The following KPNA5 variants were observed in gnomAD, a reference collection of about 807,000 sequenced individuals.
KPNA5 encodes importin subunit alpha-6.
Under a neutral mutation model 71.3 loss-of-function variants are expected in KPNA5, and 46 were observed. That is an observed-to-expected ratio of 0.65 (90% CI 0.51 to 0.83). KPNA5 has a LOEUF of 0.83. Among genes scored for constraint, KPNA5 ranks in the 40% least tolerant of loss-of-function variants. The pLI is 0.00. For missense variants in KPNA5, 547 were observed against 628.3 expected (o/e 0.87, Z 1.38); for synonymous variants, 207 against 201.4 (o/e 1.03, Z -0.24).
intron 13 of KPNA5, among the ~76,000 whole-genome samples, chr6:116,731,237 T>C (rs954312666): frequency 1.3e-5 from 2 of 152,308 alleles, no homozygotes; most frequent in East Asian, 3.9e-4. Flanking sequence ...GATTCAGACT[T>C]TTATTTTTGA....
intron 9 of KPNA5, among the ~76,000 whole-genome samples, chr6:116,723,320 AGGTAT>A (rs1779184206): frequency 6.6e-6 from 1 of 152,204 alleles, no homozygotes; most frequent in African/African-American, 2.4e-5. Flanking sequence ...ACATGTGTGT[AGGTAT>A]GTGTGTGTGC....
chr6:116,718,267 T>C (rs1409887796), intron 8 of KPNA5, among the ~76,000 whole-genome samples: 2 of 137,332 alleles, frequency 1.5e-5, no homozygotes, highest in African/African-American at 2.9e-5. Flanking sequence ...TTTTTTTTTC[T>C]TTTTTTTTTT....
chr6:116,716,285 T>A lies in KPNA5; in HGVS notation c.723T>A (p.Cys241Ter). Residue 241 changes from cysteine to a stop codon, truncating the protein, a stop_gained, in exon 8 of 14, where the codon TGT becomes TGA. Coordinates refer to ENST00000368564, the MANE Select transcript of KPNA5 (RefSeq NM_001366306.2). LOFTEE classifies it high-confidence loss of function. ...RNAVWALSNLCRGKNPPPNFS... is the reference protein window; with the variant it reads ...RNAVWALSNL ...CCGTGTGGGCCCTCTCAAATTTATG[T>A]AGAGGCAAAAACCCTCCTCCAAACT... 2.5e-6 allele frequency: 4 copies of A among 1,613,188 alleles called. No homozygotes were observed. Among genetic ancestry groups the A allele is most frequent in the Non-Finnish European group, 3.4e-6 (4 of 1,179,522 alleles).
At chr6:116,694,671 G>A (rs899046270) in intron 4 of KPNA5, among the ~76,000 whole-genome samples, 18 of 151,940 alleles carry the variant, frequency 1.2e-4, no homozygotes, top group Non-Finnish European at 2.2e-4. Flanking sequence ...TATACAATCA[G>A]ACATGATTTT....
In KPNA5 at chr6:116,737,950, A is replaced by G. The variant is rs1218756322; in HGVS notation, c.*5627A>G. 2.0e-5 allele frequency: 3 copies of G among 151,916 alleles called. No individual in the cohort carries two copies. Among genetic ancestry groups the G allele is most frequent in the Admixed American group, 6.6e-5 (1 of 15,188 alleles). The allele number at this position is 151,916 out of a possible 1,614,324, so 9.4% of individuals were successfully genotyped here. On this transcript the variant is annotated 3_prime_UTR_variant, in exon 14 of 14. Transcript: ENST00000368564. ...TCTTAAGTCTTTCCCTAATTTCCCTAAACATTTAAGGTTGTTAAATGTTTA... is the reference window on the plus strand; with the variant it reads ...TCTTAAGTCTTTCCCTAATTTCCCTGAACATTTAAGGTTGTTAAATGTTTA...
chr6:116,708,035 T>G (rs1425320314), intron 7 of KPNA5, among the ~76,000 whole-genome samples: 2 of 152,238 alleles, frequency 1.3e-5, no homozygotes, highest in Non-Finnish European at 2.9e-5. Context: ...CTGGCTTCTT[T>G]TAGCTTACTG....
intron 1 of KPNA5, among the ~76,000 whole-genome samples, chr6:116,685,769 G>A (rs752352718): frequency 6.6e-6 from 1 of 152,078 alleles, no homozygotes; most frequent in Non-Finnish European, 1.5e-5. Flanking sequence ...TGTTTTTATG[G>A]TAGAATGATT....
intron 8 of KPNA5, among the ~76,000 whole-genome samples, chr6:116,717,031 T>G (rs937612287): frequency 6.6e-6 from 1 of 152,142 alleles, no homozygotes; most frequent in African/African-American, 2.4e-5. Flanking sequence ...AGTTGAGATT[T>G]AATAAAAGTA....
chr6:116,684,817 G>GAGTC (rs1350748364), intron 1 of KPNA5, among the ~76,000 whole-genome samples: 2 of 152,096 alleles, frequency 1.3e-5, no homozygotes, highest in South Asian at 2.1e-4. Flanking sequence ...TTTAAAACCA[G>GAGTC]AGTCACTATA....
Position 116,732,452 on chromosome 6 carries a change from A to G in KPNA5, c.*129A>G, listed in dbSNP as rs1301727821. On this transcript the variant is annotated 3_prime_UTR_variant, in exon 14 of 14. Transcript: ENST00000368564. ...AGAATTTGATGCACTTTTAGAAAGC[A>G]AAATGAAACAAAAATTTCCATTCAG... is the stretch of plus-strand genomic sequence containing the variant. 2.4e-6 allele frequency: 1 copy of G among 412,044 alleles called. No homozygotes were observed. The highest frequency in any genetic ancestry group is 4.2e-6 in the Non-Finnish European group (1 of 240,280). The allele number at this position is 412,044 out of a possible 1,614,324, so 25.5% of individuals were successfully genotyped here.
chr6:116,691,408 C>T (rs1777795983), intron 2 of KPNA5, among the ~76,000 whole-genome samples: 1 of 152,104 alleles, frequency 6.6e-6, no homozygotes. Flanking sequence ...CACGTGCTGC[C>T]ATGCTTGGCT....
rs571875180 is a variant in KPNA5, at chr6:116,711,270, T to G, written c.657-4949T>G. Among the ~76,000 whole-genome samples, 766 of 143,278 alleles carry G rather than the reference T, an allele frequency of 5.3e-3. 17 individuals carry two copies. In the South Asian group the frequency reaches 0.058, roughly 11 times the overall value. 94.0% of individuals were successfully genotyped at this position (143,278 alleles called of 152,430 possible). ...GTTTTTGTTGATTTTTTTTTTTTTT[T>G]GGGTCAAAGAACTGCCTTTTTGTTT... is the stretch of plus-strand genomic sequence containing the variant. On this transcript the variant is annotated intron_variant, in intron 7 of 13. Transcript: ENST00000368564.
In KPNA5 at chr6:116,724,189, A is replaced by G. The variant is rs1583443231; in HGVS notation, c.921-108A>G. 3.5e-5 allele frequency: 22 copies of G among 634,678 alleles called. No individual in the cohort carries two copies. In the South Asian group the frequency reaches 4.2e-4, roughly 12 times the overall value. The allele number at this position is 634,678 out of a possible 1,614,324, so 39.3% of individuals were successfully genotyped here. A position where few individuals can be genotyped will look rare whatever the true frequency, so the allele number is the denominator to read the frequency against. ...TATCAGAATAATTAGTAAAACTTCA[A>G]TGGGATCTTTGGCTGAACACCCCGC... On this transcript the variant is annotated intron_variant, in intron 9 of 13. Coordinates refer to ENST00000368564, the MANE Select transcript of KPNA5 (RefSeq NM_001366306.2).
chr6:116,689,221 T>A, intron 1 of KPNA5, 99 bp from the exon 2 acceptor site: 1 of 1,279,126 alleles, frequency 7.8e-7, no homozygotes, highest in South Asian at 1.4e-5. Flanking sequence ...TGTTGACCTG[T>A]TAATCAGTGA....
At chr6:116,695,902 T>A (rs1179011438) in intron 4 of KPNA5, among the ~76,000 whole-genome samples, 1 of 152,156 alleles carries the variant, frequency 6.6e-6, no homozygotes. Flanking sequence ...GCCACCAGTG[T>A]TTTTGTACCA....
At chr6:116,703,928 T>G (rs960379264) in intron 6 of KPNA5, among the ~76,000 whole-genome samples, 46 of 152,228 alleles carry the variant, frequency 3.0e-4, no homozygotes, top group Non-Finnish European at 1.3e-4. Flanking sequence ...ATTTTCATCA[T>G]TGTGCAAATT....
intron 12 of KPNA5, among the ~76,000 whole-genome samples, chr6:116,729,158 C>T (rs1168920039): frequency 3.6e-5 from 4 of 112,160 alleles, no homozygotes; most frequent in South Asian, 3.5e-4. Flanking sequence ...ATATGACCTC[C>T]GTGTGTGTGT....
At chr6:116,691,307 T>C (rs1222723790) in intron 2 of KPNA5, among the ~76,000 whole-genome samples, 1 of 152,234 alleles carries the variant, frequency 6.6e-6, no homozygotes, top group African/African-American at 2.4e-5. Flanking sequence ...TTTTAAGAGA[T>C]GGGGTCTTGC....
chr6:116,706,676 C>T lies in KPNA5; in HGVS notation c.656+1516C>T, dbSNP rs538384843. Among the ~76,000 whole-genome samples, 194 of 151,124 alleles carry T rather than the reference C, an allele frequency of 1.3e-3. 1 individual carries two copies. The highest frequency in any genetic ancestry group is 5.8e-3 in the Admixed American group (88 of 15,174). On this transcript the variant is annotated intron_variant, in intron 7 of 13. Coordinates refer to ENST00000368564, the MANE Select transcript of KPNA5 (RefSeq NM_001366306.2). ...TGCACTCCAGCCTGGGCAACAAGAG[C>T]GAAACTCCATTTCAGATAATAATAA... is the stretch of plus-strand genomic sequence containing the variant.
Sources: gnomAD v4.1 joint callset for allele counts (sites outside exome capture counted in the v4.1 genomes callset) on GRCh38, gnomAD v4.1.1 for gene constraint, MANE v1.5 for transcripts, NCBI Gene and HGNC (gene_info 2026-07-23, HGNC 2026-07-21) for gene names.